RBFOX1: variants seen among roughly 807,000 people sequenced by gnomAD.
The protein encoded by RBFOX1 is RNA binding protein fox-1 homolog 1.
RBFOX1 carries 8 observed loss-of-function variants against 57.7 expected under a neutral mutation model. The observed-to-expected ratio is 0.14, with a 90% confidence interval of 0.08 to 0.25. The LOEUF is 0.25. Ranked by LOEUF, RBFOX1 falls within the 10% of genes least tolerant of loss-of-function variation. The probability of loss-of-function intolerance (pLI) is 1.00; values close to 1 mark genes in which losing one functional copy is unlikely to be tolerated. For missense variants in RBFOX1, 611 were observed against 548.5 expected (o/e 1.11, Z -1.14); for synonymous variants, 326 against 222.4 (o/e 1.47, Z -4.15).
chr16:6,957,401 C>T (rs1286563511), intron 3 of RBFOX1, among the ~76,000 whole-genome samples: 3 of 149,556 alleles, frequency 2.0e-5, no homozygotes, highest in Non-Finnish European at 4.4e-5. Context: ...GACTCACGCT[C>T]AGCCGGTTAT....
chr16:6,450,861 A>ACATATATATATG lies in RBFOX1; in HGVS notation c.-64+133804_-64+133805insCATATATATATG. ...TGTGTATATATATATATATATATAT[A>ACATATATATATG]TATATATATATATCTCCTCTGAAAT... On this transcript the variant is annotated intron_variant, in intron 2 of 15. Coordinates refer to ENST00000550418, the MANE Select transcript of RBFOX1 (RefSeq NM_018723.4). Among the ~76,000 whole-genome samples the ACATATATATATG allele has an allele frequency of 1.4e-4, 13 of 91,958 alleles. 2 individuals are homozygous for ACATATATATATG. Among genetic ancestry groups the ACATATATATATG allele is most frequent in the African/African-American group, 4.9e-4 (12 of 24,410 alleles). The allele number at this position is 91,958 out of a possible 152,430, so 60.3% of individuals were successfully genotyped here. A position where few individuals can be genotyped will look rare whatever the true frequency, so the allele number is the denominator to read the frequency against.
chr16:5,971,934 C>T (rs981712004), intron 4 of RBFOX1, among the ~76,000 whole-genome samples: 2 of 152,214 alleles, frequency 1.3e-5, no homozygotes, highest in South Asian at 2.1e-4. Context: ...AAGGCCTGAA[C>T]AGAGCAGAAA....
rs367791987 is a variant in RBFOX1, at chr16:6,049,039, A to C, written c.-127+29047A>C. Among the ~76,000 whole-genome samples, 14 of 145,580 alleles carry C rather than the reference A, an allele frequency of 9.6e-5. 1 individual carries two copies. In the South Asian group the frequency reaches 2.8e-3, roughly 29 times the overall value. On this transcript the variant is annotated intron_variant, in intron 1 of 15. Transcript: ENST00000550418. ...GTGCCATTTTGACGATCGACCCCTT[A>C]CATCTTCTAACAGCTTTTTTTTTTT...
chr16:6,574,157 G>C (rs910778713), intron 2 of RBFOX1, among the ~76,000 whole-genome samples: 1 of 152,140 alleles, frequency 6.6e-6, no homozygotes, highest in Non-Finnish European at 1.5e-5. Context: ...CTGGCCTTGC[G>C]ATATATTATT....
intron 1 of RBFOX1, among the ~76,000 whole-genome samples, chr16:6,200,421 A>T: frequency 6.6e-6 from 1 of 152,156 alleles, no homozygotes; most frequent in East Asian, 1.9e-4. Context: ...ATGAAATCAA[A>T]TGGTGTGGGT....
At chr16:7,656,166 C>T (rs1429244205) in intron 12 of RBFOX1, among the ~76,000 whole-genome samples, 1 of 152,152 alleles carries the variant, frequency 6.6e-6, no homozygotes, top group Non-Finnish European at 1.5e-5. Flanking sequence ...GAAGCAGGAG[C>T]CCCAGCAGGA....
At chr16:6,494,588 G>T (rs1438801082) in intron 2 of RBFOX1, among the ~76,000 whole-genome samples, 1 of 152,188 alleles carries the variant, frequency 6.6e-6, no homozygotes, top group Admixed American at 6.5e-5. Flanking sequence ...TTCACCTGTT[G>T]AAGGATATCT....
chr16:6,167,467 A>G (rs2096926414), intron 1 of RBFOX1, among the ~76,000 whole-genome samples: 1 of 151,264 alleles, frequency 6.6e-6, no homozygotes, highest in Admixed American at 6.6e-5. Flanking sequence ...GCCTTCTAAC[A>G]TTTTTTCCAC....
At chr16:5,508,939 C>G (rs2043477746) in intron 2 of RBFOX1, among the ~76,000 whole-genome samples, 1 of 152,210 alleles carries the variant, frequency 6.6e-6, no homozygotes, top group Admixed American at 6.5e-5. Flanking sequence ...TAGGAACCCT[C>G]TACGTCTTTG....
At chr16:5,357,726 G>A (rs1232831559) in intron 1 of RBFOX1, among the ~76,000 whole-genome samples, 1 of 152,220 alleles carries the variant, frequency 6.6e-6, no homozygotes, top group African/African-American at 2.4e-5. Flanking sequence ...GAATCCGTCA[G>A]GAGAGGACAC....
intron 1 of RBFOX1, among the ~76,000 whole-genome samples, chr16:5,328,281 G>C (rs910212352): frequency 6.6e-6 from 1 of 152,152 alleles, no homozygotes; most frequent in African/African-American, 2.4e-5. Flanking sequence ...GTTTTTATAA[G>C]AGGGGATTTT....
chr16:5,588,514 G>T (rs189548011), intron 2 of RBFOX1, among the ~76,000 whole-genome samples: 6 of 152,230 alleles, frequency 3.9e-5, no homozygotes, highest in African/African-American at 1.4e-4. Context: ...TACAGTCCAG[G>T]CAATCCAGGC....
intron 4 of RBFOX1, among the ~76,000 whole-genome samples, chr16:7,125,375 C>G (rs909208543): frequency 6.6e-6 from 1 of 152,150 alleles, no homozygotes; most frequent in African/African-American, 2.4e-5. Context: ...CCAGGCAAAT[C>G]AATAGATGGT....
chr16:7,245,057 G>T (rs934141518), intron 4 of RBFOX1, among the ~76,000 whole-genome samples: 4 of 152,096 alleles, frequency 2.6e-5, no homozygotes, highest in African/African-American at 9.7e-5. Context: ...CTTTCTGATT[G>T]TTTACCTAAG....
rs77326292 is a variant in RBFOX1 at position 6,669,624 on chromosome 16, A to G, written c.-16+14974A>G. Among the ~76,000 whole-genome samples, 7 of 152,068 alleles carry G rather than the reference A, an allele frequency of 4.6e-5. No individual in the cohort carries two copies. The East Asian group carries it at 7.7e-4, about 17-fold the overall frequency. ...CACATCTATCACCTCATATATTGCT[A>G]TTTTTTCTTTTGTTTCTTTTCTTTT... On this transcript the variant is annotated intron_variant, in intron 3 of 15. Transcript: ENST00000550418.
At chr16:6,250,839 G>A (rs1230046309) in intron 1 of RBFOX1, among the ~76,000 whole-genome samples, 2 of 152,134 alleles carry the variant, frequency 1.3e-5, no homozygotes, top group East Asian at 1.9e-4. Context: ...TGAACTGACC[G>A]TGCATTGCTT....
intron 4 of RBFOX1, among the ~76,000 whole-genome samples, chr16:7,149,832 A>G (rs978397725): frequency 2.6e-5 from 4 of 151,928 alleles, no homozygotes; most frequent in Admixed American, 2.0e-4. Context: ...AGACTCCCCA[A>G]AGGCTCCCAG....
chr16:7,164,216 T>G (rs1266499676), intron 4 of RBFOX1, among the ~76,000 whole-genome samples: 8 of 152,158 alleles, frequency 5.3e-5, no homozygotes, highest in Admixed American at 5.2e-4. Flanking sequence ...ACATATGATG[T>G]TTGCTTTTCC....
intron 1 of RBFOX1, among the ~76,000 whole-genome samples, chr16:6,247,898 C>T (rs1281077505): frequency 6.6e-6 from 1 of 152,202 alleles, no homozygotes; most frequent in Non-Finnish European, 1.5e-5. Flanking sequence ...TCCAGTCACT[C>T]TCCAAGATGG....
Sources: allele counts gnomAD v4.1 joint callset (sites outside exome capture counted in the v4.1 genomes callset), GRCh38; gene constraint gnomAD v4.1.1; transcripts MANE v1.5; gene names NCBI Gene and HGNC (gene_info 2026-07-23, HGNC 2026-07-21).